GNS: variants seen among roughly 807,000 people sequenced by gnomAD.
GNS encodes glucosamine (N-acetyl)-6-sulfatase.
Under a neutral mutation model 69.7 loss-of-function variants are expected in GNS, and 40 were observed. That is an observed-to-expected ratio of 0.57 (90% CI 0.45 to 0.75). The LOEUF (loss-of-function observed/expected upper bound fraction) is 0.75. Among genes scored for constraint, GNS ranks in the 30% least tolerant of loss-of-function variants. GNS has a pLI of 0.00. For missense variants in GNS, 565 were observed against 685.5 expected, an observed-to-expected ratio of 0.82 and a Z score of 1.96; for synonymous variants, 243 against 251.6, an observed-to-expected ratio of 0.97 and a Z score of 0.32.
At chr12:64,728,914 T>C (rs758668862) in intron 10 of GNS, 42 bp downstream of exon 10, 26 of 881,874 alleles carry the variant, frequency 2.9e-5, no homozygotes, top group Admixed American at 2.4e-4. Flanking sequence ...CCAGAATTTA[T>C]TGCGGTCTTG....
intron 13 of GNS, among the ~76,000 whole-genome samples, chr12:64,717,196 T>C (rs1868888694): frequency 6.6e-6 from 1 of 151,868 alleles, no homozygotes; most frequent in Non-Finnish European, 1.5e-5. Flanking sequence ...ACCACAAGAG[T>C]AGTGGTGCTG....
At chr12:64,734,629 A>T (rs552989951) in intron 9 of GNS, among the ~76,000 whole-genome samples, 62 of 152,348 alleles carry the variant, frequency 4.1e-4, no homozygotes, top group Non-Finnish European at 6.6e-4. Flanking sequence ...GAACAAGCCT[A>T]GCTTATCCCT....
intron 13 of GNS, 36 bp downstream of exon 13, chr12:64,719,986 A>C (rs1442333412): frequency 6.5e-7 from 1 of 1,529,032 alleles, no homozygotes; most frequent in Non-Finnish European, 9.1e-7. Flanking sequence ...TACTAGAAAA[A>C]ACTTGGCCAA....
chr12:64,732,279 T>G (rs913807685), intron 9 of GNS, among the ~76,000 whole-genome samples: 3 of 151,164 alleles, frequency 2.0e-5, no homozygotes, highest in Admixed American at 6.6e-5. Flanking sequence ...GCCATTCTCC[T>G]GCCTCAGCCT....
At chr12:64,720,474 G>A (rs1289907015) in intron 12 of GNS, among the ~76,000 whole-genome samples, 1 of 152,184 alleles carries the variant, frequency 6.6e-6, no homozygotes, top group Non-Finnish European at 1.5e-5. Flanking sequence ...AGGGTATGGG[G>A]AAGAAATGCA....
At chr12:64,750,685 T>G (rs1028029011) in intron 2 of GNS, among the ~76,000 whole-genome samples, 1 of 151,750 alleles carries the variant, frequency 6.6e-6, no homozygotes, top group African/African-American at 2.4e-5. Context: ...AGAGGATCAC[T>G]TGAGGCCAGG....
At chr12:64,759,049 A>C in intron 1 of GNS, 36 bp downstream of exon 1, 56 of 1,504,992 alleles carry the variant, frequency 3.7e-5, no homozygotes, top group Non-Finnish European at 4.4e-5. Context: ...AGTCAGCCCA[A>C]GAGATAGAGG....
chr12:64,733,551 A>C (rs986495008), intron 9 of GNS, among the ~76,000 whole-genome samples: 26 of 152,172 alleles, frequency 1.7e-4, no homozygotes, highest in African/African-American at 6.3e-4. Context: ...AGTGAAAAGC[A>C]CTGTAACTAC....
At chr12:64,730,905 C>T (rs1445390511) in intron 9 of GNS, among the ~76,000 whole-genome samples, 1 of 152,110 alleles carries the variant, frequency 6.6e-6, no homozygotes, top group Non-Finnish European at 1.5e-5. Context: ...GAGGTGAAGC[C>T]AGTTCCTCAG....
At chr12:64,746,603 TAAAG>T (rs1042331918) in intron 3 of GNS, among the ~76,000 whole-genome samples, 28 of 152,344 alleles carry the variant, frequency 1.8e-4, no homozygotes, top group African/African-American at 6.5e-4. Flanking sequence ...ATGAATAAAA[TAAAG>T]AAACCACAGA....
Position 64,759,290 on chromosome 12 carries a change from C to T in GNS, c.-14G>A. On this transcript the variant is annotated 5_prime_UTR_variant, in exon 1 of 14. Transcript: ENST00000258145. ...CAGGAGCCGCATAGCGGACAGGCTC[C>T]GGGGTGACCCCGGGACGGGACGGGA... 1 of 1,492,440 alleles carries T rather than the reference C, an allele frequency of 6.7e-7. No homozygotes were observed. Among genetic ancestry groups the T allele is most frequent in the Non-Finnish European group, 8.9e-7 (1 of 1,121,062 alleles). The allele number at this position is 1,492,440 out of a possible 1,614,324, so 92.4% of individuals were successfully genotyped here.
chr12:64,746,938 G>A (rs945263057), intron 3 of GNS, among the ~76,000 whole-genome samples: 1 of 152,202 alleles, frequency 6.6e-6, no homozygotes, highest in Non-Finnish European at 1.5e-5. Flanking sequence ...AAGATCTCTA[G>A]CAACTACAGA....
In GNS at chr12:64,739,502, G is replaced by A. The variant is rs73323465; in HGVS notation, c.876-3C>T. On this transcript the variant is annotated splice_polypyrimidine_tract_variant and splice_region_variant and intron_variant, in intron 7 of 13. Transcript: ENST00000258145. ...CAACTGAGAGGAGAGTTTGCCACCTGGATGTGAACAGAAGGTAGAAATGGG... is the reference window on the plus strand; with the variant it reads ...CAACTGAGAGGAGAGTTTGCCACCTAGATGTGAACAGAAGGTAGAAATGGG... 147 of 1,445,150 alleles carry A rather than the reference G, an allele frequency of 1.0e-4. No homozygotes were observed. The African/African-American group carries it at 1.6e-3, about 15-fold the overall frequency. The allele number at this position is 1,445,150 out of a possible 1,614,324, so 89.5% of individuals were successfully genotyped here. A position where few individuals can be genotyped will look rare whatever the true frequency, so the allele number is the denominator to read the frequency against.
chr12:64,742,697 T>C (rs936326427), intron 6 of GNS, among the ~76,000 whole-genome samples: 1 of 152,174 alleles, frequency 6.6e-6, no homozygotes, highest in African/African-American at 2.4e-5. Flanking sequence ...ACATGGGTTG[T>C]TGTGGTTCTT....
At chr12:64,747,679 A>C (rs748151893) in intron 3 of GNS, 33 bp downstream of exon 3, 135 of 1,100,854 alleles carry the variant, frequency 1.2e-4, no homozygotes, top group Non-Finnish European at 1.7e-4. Context: ...TTTAAAAGCC[A>C]TTATAAAAAA....
rs772746259 is a variant in GNS at position 64,743,229 on chromosome 12, T to C, written c.704A>G (p.His235Arg). Residue 235 changes from histidine (H) to arginine (R), a missense_variant, in exon 6 of 14, where the codon CAT becomes CGT. His to Arg is a conservative substitution (Grantham distance 29). Coordinates refer to ENST00000258145, the MANE Select transcript of GNS (RefSeq NM_002076.4). ...CTGAGGTGCAGCTGTCCAAGGCGAA[T>C]GAGGCGCTGGAGTGGCGATCATCAT... Reference protein sequence around the residue: ...FFMMIATPAPHSPWTAAPQYQ... With the variant: ...FFMMIATPAPRSPWTAAPQYQ... 1 of 1,613,038 alleles carries C rather than the reference T, an allele frequency of 6.2e-7. No homozygotes were observed. Among genetic ancestry groups the C allele is most frequent in the East Asian group, 2.2e-5 (1 of 44,880 alleles).
At chr12:64,734,973 T>C (rs1343190595) in intron 9 of GNS, among the ~76,000 whole-genome samples, 1 of 152,074 alleles carries the variant, frequency 6.6e-6, no homozygotes, top group African/African-American at 2.4e-5. Context: ...TAGCTGGGCA[T>C]GGTGGCAGGT....
chr12:64,752,589 T>G (rs1018424739), intron 2 of GNS, 109 bp downstream of exon 2: 2 of 699,244 alleles, frequency 2.9e-6, no homozygotes, highest in Admixed American at 2.2e-5. Flanking sequence ...GATCAGGCAT[T>G]TAACAAGGAA....
Position 64,715,335 on chromosome 12 carries a change from G to C in GNS, c.*1406C>G, listed in dbSNP as rs1280511178. ...AGTTCAAGACCAGCCTGGCCAACATGGTGAAACTCTGTCTCTACTAAAAAT... is the reference window on the plus strand; with the variant it reads ...AGTTCAAGACCAGCCTGGCCAACATCGTGAAACTCTGTCTCTACTAAAAAT... On this transcript the variant is annotated 3_prime_UTR_variant, in exon 14 of 14. Coordinates refer to ENST00000258145, the MANE Select transcript of GNS (RefSeq NM_002076.4). The C allele has an allele frequency of 6.6e-6, 1 of 152,196 alleles. No homozygotes were observed. The highest frequency in any genetic ancestry group is 1.5e-5 in the Non-Finnish European group (1 of 68,068). The allele number at this position is 152,196 out of a possible 1,614,324, so 9.4% of individuals were successfully genotyped here. A position where few individuals can be genotyped will look rare whatever the true frequency, so the allele number is the denominator to read the frequency against.
Sources: gnomAD v4.1 joint callset for allele counts (sites outside exome capture counted in the v4.1 genomes callset) on GRCh38, gnomAD v4.1.1 for gene constraint, MANE v1.5 for transcripts, NCBI Gene and HGNC (gene_info 2026-07-23, HGNC 2026-07-21) for gene names.